The following ARHGEF38 variants were observed in gnomAD, a reference collection of about 807,000 sequenced individuals.
The protein encoded by ARHGEF38 is Rho guanine nucleotide exchange factor 38.
In ARHGEF38, 79 loss-of-function variants were observed where a neutral mutation model predicts 79.9. That is an observed-to-expected ratio of 0.99 (90% CI 0.82 to 1.19). The LOEUF is 1.19. ARHGEF38 is among the 50% of genes most tolerant of loss of function. ARHGEF38 has a pLI of 0.00. For missense variants in ARHGEF38, 962 were observed against 907.2 expected, an observed-to-expected ratio of 1.06 and a Z score of -0.78; for synonymous variants, 366 against 328.3, an observed-to-expected ratio of 1.11 and a Z score of -1.24.
At chr4:105,633,591 T>C (rs868767332) in intron 4 of ARHGEF38, among the ~76,000 whole-genome samples, 51 of 152,166 alleles carry the variant, frequency 3.4e-4, no homozygotes, top group African/African-American at 9.7e-4. Context: ...GAAATCTTTG[T>C]TCGAAGCAAT....
intron 10 of ARHGEF38, among the ~76,000 whole-genome samples, chr4:105,663,744 C>T (rs576283405): frequency 7.3e-4 from 111 of 152,096 alleles, no homozygotes; most frequent in South Asian, 1.2e-3. Flanking sequence ...CTGAGGCAGG[C>T]GGATCACTTG....
At position 105,610,467 on chromosome 4, in the gene ARHGEF38, A is replaced by G. The variant is rs149722782; in HGVS notation, c.385-2917A>G. ...AAAAATGAATTTTAATCCATTTAAA[A>G]TGTAATTCAACTTAAGCTTTTAGAA... On this transcript the variant is annotated intron_variant, in intron 2 of 13. Transcript: ENST00000420470. 2.3e-4 allele frequency among the ~76,000 whole-genome samples: 35 copies of G among 152,242 alleles called. No individual in the cohort carries two copies. The East Asian group carries it at 6.7e-3, about 29-fold the overall frequency.
chr4:105,629,192 T>C (rs1016366866), intron 3 of ARHGEF38, among the ~76,000 whole-genome samples: 8 of 152,292 alleles, frequency 5.3e-5, no homozygotes, highest in Admixed American at 2.0e-4. Context: ...ATTTCAAGTT[T>C]AGTGTTCTTT....
chr4:105,562,872 G>A (rs1050942298), intron 1 of ARHGEF38, among the ~76,000 whole-genome samples: 2 of 152,202 alleles, frequency 1.3e-5, no homozygotes, highest in Non-Finnish European at 2.9e-5. Context: ...ACATAAGCCT[G>A]GGCACAGGGA....
At position 105,678,102 on chromosome 4, in the gene ARHGEF38, A is replaced by T; in HGVS notation, c.*165A>T. On this transcript the variant is annotated 3_prime_UTR_variant, in exon 14 of 14. Transcript: ENST00000420470. ...CTGTACTTCCTAACAGGATTATTGCATGAATGTATTATAAAGGATACATGT... is the reference window on the plus strand; with the variant it reads ...CTGTACTTCCTAACAGGATTATTGCTTGAATGTATTATAAAGGATACATGT... The T allele has an allele frequency of 2.0e-6, 1 of 503,232 alleles. No individual in the cohort carries two copies. The highest frequency in any genetic ancestry group is 3.0e-5 in the East Asian group (1 of 33,196). 31.2% of individuals were successfully genotyped at this position (503,232 alleles called of 1,614,324 possible). A position where few individuals can be genotyped will look rare whatever the true frequency, so the allele number is the denominator to read the frequency against.
chr4:105,625,658 A>G (rs1296237307), intron 3 of ARHGEF38, among the ~76,000 whole-genome samples: 2 of 152,202 alleles, frequency 1.3e-5, no homozygotes, highest in Non-Finnish European at 2.9e-5. Flanking sequence ...ATTCCTGGAC[A>G]TTGTCATGGG....
rs751277609 is a variant in ARHGEF38 at position 105,630,998 on chromosome 4, G to A, written c.609G>A (p.Lys203=). ...ATAGTATACTGGAGTCCTATGAAAA[G>A]GAAGAAGAGCTGAAGGAACATTTGA... ...EAHSILESYE[K]EEELKEHLSH... is the part of the protein sequence containing the mutation. The change falls in exon 4 of 14, where the codon AAG becomes AAA. Residue 203 remains lysine (K), a synonymous_variant. Transcript: ENST00000420470. The A allele has an allele frequency of 6.2e-7, 1 of 1,613,760 alleles. No homozygotes were observed. Among genetic ancestry groups the A allele is most frequent in the Non-Finnish European group, 8.5e-7 (1 of 1,179,834 alleles).
chr4:105,577,742 A>T (rs1420765860), intron 1 of ARHGEF38, among the ~76,000 whole-genome samples: 1 of 152,022 alleles, frequency 6.6e-6, no homozygotes, highest in Non-Finnish European at 1.5e-5. Flanking sequence ...CTCTCAAATG[A>T]TCATTTTTTA....
intron 1 of ARHGEF38, chr4:105,561,469 A>AGAATAGAATAGAATGGAATG (rs1725584778): frequency 2.0e-5 from 1 of 49,660 alleles, no homozygotes; most frequent in East Asian, 4.7e-4. Context: ...AGAATAGAAT[A>AGAATAGAATAGAATGGAATG]GAATAGAATA....
chr4:105,599,302 C>G (rs975069213), intron 2 of ARHGEF38, among the ~76,000 whole-genome samples: 1 of 152,138 alleles, frequency 6.6e-6, no homozygotes, highest in East Asian at 1.9e-4. Context: ...TCAGTGCTCT[C>G]TAATTTTTAT....
chr4:105,662,530 A>G (rs2110569561), intron 10 of ARHGEF38, among the ~76,000 whole-genome samples: 1 of 152,186 alleles, frequency 6.6e-6, no homozygotes, highest in East Asian at 1.9e-4. Context: ...TTAGGGTTTC[A>G]TATTTTTTTA....
rs528766827 is a variant in ARHGEF38, at chr4:105,658,225, G to A, written c.1234-829G>A. On this transcript the variant is annotated intron_variant, in intron 9 of 13. Transcript: ENST00000420470. ...GTGCTCAAGACCATCTTGGGCAATA[G>A]AGTGAGACCGTATCTCTACCAAAAA... Among the ~76,000 whole-genome samples the A allele has an allele frequency of 2.6e-5, 4 of 152,212 alleles. No individual in the cohort carries two copies. The East Asian group carries it at 7.8e-4, about 29-fold the overall frequency.
At chr4:105,565,142 A>G (rs1281693250) in intron 1 of ARHGEF38, among the ~76,000 whole-genome samples, 1 of 152,216 alleles carries the variant, frequency 6.6e-6, no homozygotes, top group Non-Finnish European at 1.5e-5. Context: ...TTCTATGCCA[A>G]TTAGCAGTCA....
chr4:105,593,547 CAAAT>C (rs1727437604), intron 2 of ARHGEF38, among the ~76,000 whole-genome samples: 1 of 152,058 alleles, frequency 6.6e-6, no homozygotes, highest in African/African-American at 2.4e-5. Context: ...CCAGAAGAAA[CAAAT>C]AAACAGACAG....
At chr4:105,666,698 C>T (rs1560759419) in intron 11 of ARHGEF38, among the ~76,000 whole-genome samples, 1 of 152,112 alleles carries the variant, frequency 6.6e-6, no homozygotes, top group Non-Finnish European at 1.5e-5. Flanking sequence ...TCTCTTAGGG[C>T]CCGAGCTGAG....
At position 105,673,448 on chromosome 4, in the gene ARHGEF38, C is replaced by G. The variant is rs186096808; in HGVS notation, c.2149-4304C>G. Among the ~76,000 whole-genome samples the G allele has an allele frequency of 4.7e-3, 718 of 152,214 alleles. 24 individuals carry two copies. Among genetic ancestry groups the G allele is most frequent in the Admixed American group, 0.042 (642 of 15,280 alleles). ...ATTTTTGACTTCTAAAAAAAGTAGT[C>G]GTTTTGCTACCAATCCCACGTTCAT... On this transcript the variant is annotated intron_variant, in intron 13 of 13. Coordinates refer to ENST00000420470, the MANE Select transcript of ARHGEF38 (RefSeq NM_001242729.2).
At chr4:105,663,244 G>C (rs1367145871) in intron 10 of ARHGEF38, among the ~76,000 whole-genome samples, 4 of 151,994 alleles carry the variant, frequency 2.6e-5, no homozygotes, top group African/African-American at 7.2e-5. Flanking sequence ...GTAAATTAAT[G>C]TATCCTTCTG....
chr4:105,553,808 G>C (rs1725118164), intron 1 of ARHGEF38, among the ~76,000 whole-genome samples: 1 of 152,024 alleles, frequency 6.6e-6, no homozygotes, highest in African/African-American at 2.4e-5. Flanking sequence ...TCCAGAACTT[G>C]CCTCTCCTGC....
At chr4:105,621,501 G>A (rs1728732970) in intron 3 of ARHGEF38, among the ~76,000 whole-genome samples, 1 of 152,180 alleles carries the variant, frequency 6.6e-6, no homozygotes, top group Non-Finnish European at 1.5e-5. Context: ...TCTCCTTGGA[G>A]AGAAATAATT....
Sources: gnomAD v4.1 joint callset for allele counts (sites outside exome capture counted in the v4.1 genomes callset) on GRCh38, gnomAD v4.1.1 for gene constraint, MANE v1.5 for transcripts, NCBI Gene and HGNC (gene_info 2026-07-23, HGNC 2026-07-21) for gene names.